The following GDAP2 variants were observed in gnomAD, a reference collection of about 807,000 sequenced individuals.
The protein encoded by GDAP2 is ganglioside induced differentiation associated protein 2.
GDAP2 carries 51 observed loss-of-function variants against 67.0 expected under a neutral mutation model. The observed-to-expected ratio is 0.76, with a 90% CI of 0.61 to 0.96. GDAP2 has a LOEUF of 0.96. GDAP2 is among the 40% of genes least tolerant of loss of function. The pLI is 0.00. For missense variants in GDAP2, 547 were observed against 588.3 expected, an observed-to-expected ratio of 0.93 and a Z score of 0.73; for synonymous variants, 203 against 207.3, an observed-to-expected ratio of 0.98 and a Z score of 0.18.
chr1:117,895,430 G>A (rs1302697114), intron 8 of GDAP2, among the ~76,000 whole-genome samples: 1 of 151,724 alleles, frequency 6.6e-6, no homozygotes, highest in African/African-American at 2.4e-5. Context: ...CAATAAAAAA[G>A]TTATTTTAAA....
At chr1:117,879,495 T>TAATGAC (rs1648579196) in intron 12 of GDAP2, among the ~76,000 whole-genome samples, 1 of 152,162 alleles carries the variant, frequency 6.6e-6, no homozygotes, top group Non-Finnish European at 1.5e-5. Context: ...ATGATGATGA[T>TAATGAC]AATGACAATG....
chr1:117,888,393 C>T (rs1648944181), intron 8 of GDAP2, among the ~76,000 whole-genome samples: 1 of 152,124 alleles, frequency 6.6e-6, no homozygotes, highest in African/African-American at 2.4e-5. Context: ...ATCATATGGA[C>T]TGCAGTTTGG....
At chr1:117,897,548 A>G (rs150852903) in intron 7 of GDAP2, among the ~76,000 whole-genome samples, 2 of 152,234 alleles carry the variant, frequency 1.3e-5, no homozygotes, top group African/African-American at 2.4e-5. Flanking sequence ...ATTTTGGTCC[A>G]TAAGAGTTAT....
rs1650236936 is a variant in GDAP2, at chr1:117,921,077, T to TA, written c.-67-654dup. Among the ~76,000 whole-genome samples the TA allele has an allele frequency of 3.9e-5, 6 of 152,264 alleles. 1 individual carries two copies. The South Asian group carries it at 1.2e-3, about 32-fold the overall frequency. On this transcript the variant is annotated intron_variant, in intron 1 of 13. Coordinates refer to ENST00000369443, the MANE Select transcript of GDAP2 (RefSeq NM_017686.4). ...TTGGAAGACACACAGCGTCAAGTAC[T>TA]AGAGAGAAGCAATGGGAAATTCTTT...
In GDAP2 at chr1:117,918,749, T is replaced by C. The variant is rs762531910; in HGVS notation, c.177-13A>G. On this transcript the variant is annotated splice_polypyrimidine_tract_variant and intron_variant, in intron 2 of 13. Coordinates refer to ENST00000369443, the MANE Select transcript of GDAP2 (RefSeq NM_017686.4). ...CACATCTCCTTTCCTGAAGAAACAA[T>C]AAAGAATGAACAAGTGTGGGGAAAA... 6.3e-7 allele frequency: 1 copy of C among 1,587,580 alleles called. No homozygotes were observed. The highest frequency in any genetic ancestry group is 1.1e-5 in the South Asian group (1 of 88,616).
At chr1:117,909,795 C>T (rs113702845) in intron 5 of GDAP2, among the ~76,000 whole-genome samples, 2,074 of 152,242 alleles carry the variant, frequency 0.014, 38 homozygotes, top group South Asian at 0.093. Context: ...TGACCTCTTT[C>T]ATAGTACTGT....
At chr1:117,875,108 T>C (rs1314480859) in intron 13 of GDAP2, among the ~76,000 whole-genome samples, 2 of 152,164 alleles carry the variant, frequency 1.3e-5, no homozygotes, top group African/African-American at 2.4e-5. Context: ...AAAGAACATT[T>C]TCAAGAGAGG....
At chr1:117,927,611 T>C (rs1650498168) in intron 1 of GDAP2, among the ~76,000 whole-genome samples, 1 of 152,180 alleles carries the variant, frequency 6.6e-6, no homozygotes, top group African/African-American at 2.4e-5. Context: ...GTGCATACCA[T>C]ACTTAAGAAT....
chr1:117,908,860 G>T (rs755537947), intron 5 of GDAP2, among the ~76,000 whole-genome samples: 2 of 149,368 alleles, frequency 1.3e-5, no homozygotes, highest in African/African-American at 2.5e-5. Flanking sequence ...AATAAATAAA[G>T]ATTTTCTGTT....
chr1:117,919,290 T>C (rs111587511), intron 2 of GDAP2, among the ~76,000 whole-genome samples: 3 of 150,072 alleles, frequency 2.0e-5, no homozygotes, highest in African/African-American at 4.9e-5. Flanking sequence ...AGGAGAATGG[T>C]GTGAACCTGG....
chr1:117,913,518 G>A (rs550722101), intron 3 of GDAP2: 1 of 152,138 alleles, frequency 6.6e-6, no homozygotes, highest in South Asian at 2.1e-4. Context: ...AGGGGATTTA[G>A]TTAAAGTGTT....
chr1:117,916,274 G>C (rs1042261343), intron 3 of GDAP2, among the ~76,000 whole-genome samples: 2 of 152,194 alleles, frequency 1.3e-5, no homozygotes, highest in African/African-American at 2.4e-5. Context: ...ACAACTGAGA[G>C]AAAGAACAAC....
intron 3 of GDAP2, 79 bp downstream of exon 3, chr1:117,918,517 AC>A: frequency 9.5e-7 from 1 of 1,055,098 alleles, no homozygotes. Context: ...AAATTTTCCC[AC>A]AAAACATGCC....
rs1053428656 is a variant in GDAP2 at position 117,864,733 on chromosome 1, A to AT, written c.*5835dup. On this transcript the variant is annotated 3_prime_UTR_variant, in exon 14 of 14. Transcript: ENST00000369443. ...TAAGCAAAAACTGAGGAGCTAAGAGATTTTTTTCCTTATTAAAAAGTGAAG... is the reference window on the plus strand; with the variant it reads ...TAAGCAAAAACTGAGGAGCTAAGAGATTTTTTTTCCTTATTAAAAAGTGAAG... The AT allele has an allele frequency of 2.0e-5, 3 of 152,054 alleles. No homozygotes were observed. The highest frequency in any genetic ancestry group is 4.4e-5 in the Non-Finnish European group (3 of 67,998). 9.4% of individuals were successfully genotyped at this position (152,054 alleles called of 1,614,324 possible).
intron 8 of GDAP2, among the ~76,000 whole-genome samples, chr1:117,894,698 T>G (rs1003781853): frequency 6.6e-6 from 1 of 152,138 alleles, no homozygotes; most frequent in African/African-American, 2.4e-5. Flanking sequence ...TGCAACACCA[T>G]TTTTACTTCA....
intron 10 of GDAP2, among the ~76,000 whole-genome samples, chr1:117,884,857 G>C (rs1277048018): frequency 6.8e-6 from 1 of 146,792 alleles, no homozygotes; most frequent in Non-Finnish European, 1.5e-5. Context: ...CTGTTTGTTC[G>C]AGACAGGGTC....
rs1212654928 is a variant in GDAP2 at position 117,870,086 on chromosome 1, C to T, written c.*483G>A. 2.0e-5 allele frequency: 3 copies of T among 152,750 alleles called. No individual in the cohort carries two copies. The highest frequency in any genetic ancestry group is 7.2e-5 in the African/African-American group (3 of 41,454). The allele number at this position is 152,750 out of a possible 1,614,324, so 9.5% of individuals were successfully genotyped here. On this transcript the variant is annotated 3_prime_UTR_variant, in exon 14 of 14. Coordinates refer to ENST00000369443, the MANE Select transcript of GDAP2 (RefSeq NM_017686.4). The stretch of plus-strand genomic sequence containing the variant: ...TTGGACTCAGGTAATTCTCTTTTAA[C>T]ACAGCCAAATTATCTTTATAAAATA...
chr1:117,896,779 C>T (rs1336877888), intron 8 of GDAP2, 54 bp downstream of exon 8: 8 of 1,271,970 alleles, frequency 6.3e-6, no homozygotes, highest in Non-Finnish European at 8.7e-6. Flanking sequence ...TGCAAGGTTC[C>T]TTTCTTGCTT....
At chr1:117,910,038 T>C (rs936957051) in intron 5 of GDAP2, among the ~76,000 whole-genome samples, 1 of 152,186 alleles carries the variant, frequency 6.6e-6, no homozygotes. Flanking sequence ...AAAAGCCTTG[T>C]CAGGAGCAAT....
Sources: gnomAD v4.1 joint callset for allele counts (sites outside exome capture counted in the v4.1 genomes callset) on GRCh38, gnomAD v4.1.1 for gene constraint, MANE v1.5 for transcripts, NCBI Gene and HGNC (gene_info 2026-07-23, HGNC 2026-07-21) for gene names.